The following SPAG16 variants were observed in gnomAD, a reference collection of about 807,000 sequenced individuals.
SPAG16 encodes sperm-associated antigen 16 protein.
In SPAG16, 86 loss-of-function variants were observed where a neutral mutation model predicts 80.4. That is an observed-to-expected ratio of 1.07 (90% CI 0.90 to 1.28). The LOEUF (loss-of-function observed/expected upper bound fraction) is 1.28. Among genes scored for constraint, SPAG16 ranks in the 50% most tolerant of loss-of-function variants. The pLI is 0.00. For missense variants in SPAG16, 870 were observed against 765.3 expected (o/e 1.14, Z -1.61); for synonymous variants, 294 against 265.9 (o/e 1.11, Z -1.03).
intron 10 of SPAG16, among the ~76,000 whole-genome samples, chr2:213,715,343 T>C (rs1196513277): frequency 6.6e-6 from 1 of 152,094 alleles, no homozygotes; most frequent in Non-Finnish European, 1.5e-5. Context: ...AAGTTATAAA[T>C]TTCCATGTGT....
chr2:214,290,096 T>A (rs983555144), intron 15 of SPAG16, among the ~76,000 whole-genome samples: 1 of 152,190 alleles, frequency 6.6e-6, no homozygotes, highest in African/African-American at 2.4e-5. Context: ...ATGTCACTAC[T>A]CACAATTGGT....
At chr2:214,068,093 A>G (rs557827657) in intron 13 of SPAG16, among the ~76,000 whole-genome samples, 50 of 152,284 alleles carry the variant, frequency 3.3e-4, no homozygotes, top group Non-Finnish European at 6.3e-4. Context: ...TTCCACAACT[A>G]TCACTGGCTC....
intron 11 of SPAG16, among the ~76,000 whole-genome samples, chr2:213,889,642 C>A (rs1467260555): frequency 6.7e-6 from 1 of 149,564 alleles, no homozygotes; most frequent in Non-Finnish European, 1.5e-5. Context: ...TACATATACA[C>A]ACACACATAT....
intron 15 of SPAG16, among the ~76,000 whole-genome samples, chr2:214,157,276 C>A (rs184277778): frequency 6.6e-6 from 1 of 152,170 alleles, no homozygotes; most frequent in East Asian, 1.9e-4. Context: ...GATTTAATTA[C>A]ATGTGTATAT....
At chr2:213,720,808 C>T (rs1368390225) in intron 10 of SPAG16, among the ~76,000 whole-genome samples, 5 of 132,024 alleles carry the variant, frequency 3.8e-5, no homozygotes, top group African/African-American at 1.1e-4. Context: ...TGCAATGGCA[C>T]GATCTCGGCT....
intron 5 of SPAG16, among the ~76,000 whole-genome samples, chr2:213,318,193 A>G (rs2063479934): frequency 6.6e-6 from 1 of 151,924 alleles, no homozygotes; most frequent in Non-Finnish European, 1.5e-5. Context: ...TAAAAATTCC[A>G]CCCACACTCT....
intron 10 of SPAG16, among the ~76,000 whole-genome samples, chr2:213,712,406 C>T (rs1221512895): frequency 6.6e-6 from 1 of 152,062 alleles, no homozygotes; most frequent in Non-Finnish European, 1.5e-5. Flanking sequence ...GACTTCTACC[C>T]ATATAAGATA....
chr2:213,311,711 T>G (rs11676531), intron 4 of SPAG16, among the ~76,000 whole-genome samples: 11 of 151,474 alleles, frequency 7.3e-5, no homozygotes, highest in African/African-American at 1.9e-4. Context: ...GAATACCTTA[T>G]TTCATATGAA....
intron 11 of SPAG16, among the ~76,000 whole-genome samples, chr2:213,882,603 G>T (rs1285177070): frequency 6.6e-6 from 1 of 152,132 alleles, no homozygotes; most frequent in Admixed American, 6.5e-5. Flanking sequence ...ATTACTCACA[G>T]TATTTTCTGA....
chr2:213,376,049 AT>A (rs1200471073), intron 9 of SPAG16, among the ~76,000 whole-genome samples: 2 of 151,318 alleles, frequency 1.3e-5, no homozygotes. Flanking sequence ...ATACAATAAA[AT>A]AAAAACTAAT....
intron 10 of SPAG16, among the ~76,000 whole-genome samples, chr2:213,548,157 T>G (rs1262815759): frequency 2.0e-5 from 3 of 152,200 alleles, no homozygotes; most frequent in African/African-American, 7.2e-5. Context: ...ATTGTATCAT[T>G]TTTACATTTT....
intron 15 of SPAG16, among the ~76,000 whole-genome samples, chr2:214,197,680 T>TG (rs1559122547): frequency 6.6e-6 from 1 of 152,006 alleles, no homozygotes; most frequent in Non-Finnish European, 1.5e-5. Context: ...TTTTCTCAGA[T>TG]TTTTGTTTCA....
intron 9 of SPAG16, among the ~76,000 whole-genome samples, chr2:213,466,544 G>A (rs774848139): frequency 6.6e-6 from 1 of 152,114 alleles, no homozygotes; most frequent in African/African-American, 2.4e-5. Flanking sequence ...GTTGTTTGAG[G>A]GTTTGAGGAG....
intron 13 of SPAG16, among the ~76,000 whole-genome samples, chr2:214,062,724 A>G (rs973959098): frequency 1.4e-5 from 2 of 143,258 alleles, no homozygotes; most frequent in African/African-American, 5.2e-5. Context: ...TCGACATGGT[A>G]AAACAGAGTG....
chr2:213,480,699 C>G (rs759654829), intron 9 of SPAG16, among the ~76,000 whole-genome samples: 9 of 152,150 alleles, frequency 5.9e-5, no homozygotes, highest in Admixed American at 1.3e-4. Context: ...CCTCCATATG[C>G]TTTTGGCTAC....
intron 10 of SPAG16, among the ~76,000 whole-genome samples, chr2:213,510,426 T>C (rs1169088672): frequency 6.6e-6 from 1 of 152,162 alleles, no homozygotes; most frequent in African/African-American, 2.4e-5. Flanking sequence ...ATGATAGTCA[T>C]GTACATTAGT....
rs537221123 is a variant in SPAG16 at position 213,600,711 on chromosome 2, T to A, written c.1070+110621T>A. On this transcript the variant is annotated intron_variant, in intron 10 of 15. Transcript: ENST00000331683. ...AGAAATTTGGCCGTACTTAGTGACATTAAGCATGCATATTCCTTGGACTCC... is the reference window on the plus strand; with the variant it reads ...AGAAATTTGGCCGTACTTAGTGACAATAAGCATGCATATTCCTTGGACTCC... Among the ~76,000 whole-genome samples, 77 of 152,342 alleles carry A rather than the reference T, an allele frequency of 5.1e-4. 1 individual carries two copies. In the Middle Eastern group the frequency reaches 0.01, roughly 20 times the overall value.
intron 15 of SPAG16, among the ~76,000 whole-genome samples, chr2:214,306,893 G>T (rs1194674386): frequency 1.3e-5 from 2 of 152,120 alleles, no homozygotes; most frequent in African/African-American, 2.4e-5. Context: ...GATGATGGTG[G>T]CCTCATAGAA....
At chr2:213,900,380 A>G (rs2077171129) in intron 11 of SPAG16, among the ~76,000 whole-genome samples, 2 of 152,148 alleles carry the variant, frequency 1.3e-5, no homozygotes, top group South Asian at 2.1e-4. Context: ...GACTGTGATT[A>G]TACAAAACAC....
Sources: allele counts gnomAD v4.1 joint callset (sites outside exome capture counted in the v4.1 genomes callset), GRCh38; gene constraint gnomAD v4.1.1; transcripts MANE v1.5; gene names NCBI Gene and HGNC (gene_info 2026-07-23, HGNC 2026-07-21).